The following KIF21A variants were observed in gnomAD, a reference collection of about 807,000 sequenced individuals.
KIF21A encodes the protein kinesin family member 21A.
Under a neutral mutation model 202.9 loss-of-function variants are expected in KIF21A, and 114 were observed. That is an observed-to-expected ratio of 0.56 (90% confidence interval 0.48 to 0.66). The LOEUF is 0.66. Ranked by LOEUF, KIF21A falls within the 30% of genes least tolerant of loss-of-function variation. The probability of loss-of-function intolerance (pLI) is 0.00; values close to 1 mark genes in which losing one functional copy is unlikely to be tolerated. For synonymous variants in KIF21A, 667 were observed against 670.8 expected (o/e 0.99, Z 0.09); for missense variants, 1,677 against 1,994.9 (o/e 0.84, Z 3.04).
intron 1 of KIF21A, among the ~76,000 whole-genome samples, chr12:39,409,298 T>C (rs1026435808): frequency 4.0e-5 from 6 of 151,344 alleles, no homozygotes; most frequent in African/African-American, 9.7e-5. Context: ...GTTGGGAGGA[T>C]TGCTTGAGCC....
At chr12:39,437,006 T>C (rs1938895718) in intron 1 of KIF21A, among the ~76,000 whole-genome samples, 1 of 152,214 alleles carries the variant, frequency 6.6e-6, no homozygotes, top group African/African-American at 2.4e-5. Flanking sequence ...TCAGGCCACA[T>C]GTGATTTTGA....
intron 16 of KIF21A, 106 bp downstream of exon 16, chr12:39,340,059 T>C: frequency 1.2e-6 from 1 of 847,024 alleles, no homozygotes. Flanking sequence ...TAAGATTGGG[T>C]TACCTTTATC....
intron 7 of KIF21A, among the ~76,000 whole-genome samples, chr12:39,360,529 A>C (rs985698485): frequency 2.0e-5 from 3 of 151,922 alleles, no homozygotes; most frequent in African/African-American, 7.3e-5. Context: ...AGCTGTGACT[A>C]CAGGTGCCCA....
At position 39,318,216 on chromosome 12, in the gene KIF21A, G is replaced by T. The variant is rs1203359220; in HGVS notation, c.3780-15C>A. 3 of 1,611,508 alleles carry T rather than the reference G, an allele frequency of 1.9e-6. No individual in the cohort carries two copies. Among genetic ancestry groups the T allele is most frequent in the South Asian group, 2.2e-5 (2 of 90,996 alleles). On this transcript the variant is annotated splice_polypyrimidine_tract_variant and intron_variant, in intron 28 of 37. Coordinates refer to ENST00000361418, the MANE Select transcript of KIF21A (RefSeq NM_001173464.2). The stretch of plus-strand genomic sequence containing the variant: ...CAGAATCTGAGCTACAAGAAAAAAA[G>T]AACATTAAGTAGGTGGCTTTAATTG...
At chr12:39,425,161 C>T (rs1954644423) in intron 1 of KIF21A, among the ~76,000 whole-genome samples, 1 of 152,128 alleles carries the variant, frequency 6.6e-6, no homozygotes, top group Admixed American at 6.5e-5. Context: ...ACTCAAATGA[C>T]TCCTCCCAAC....
At chr12:39,428,505 CAG>C (rs1307867907) in intron 1 of KIF21A, among the ~76,000 whole-genome samples, 2 of 152,082 alleles carry the variant, frequency 1.3e-5, no homozygotes, top group African/African-American at 4.8e-5. Context: ...TTAGAAAAAA[CAG>C]AGTCACAAAT....
intron 17 of KIF21A, among the ~76,000 whole-genome samples, chr12:39,336,526 G>C (rs1351256453): frequency 6.6e-6 from 1 of 152,030 alleles, no homozygotes; most frequent in Non-Finnish European, 1.5e-5. Flanking sequence ...TACTGTCAGG[G>C]ATCTTGGTTG....
rs533122162 is a variant in KIF21A, at chr12:39,366,587, C to A, written c.736-70G>T. 157 of 1,184,486 alleles carry A rather than the reference C, an allele frequency of 1.3e-4. 2 individuals are homozygous for A. In the South Asian group the frequency reaches 1.9e-3, roughly 14 times the overall value. The allele number at this position is 1,184,486 out of a possible 1,614,324, so 73.4% of individuals were successfully genotyped here. A position where few individuals can be genotyped will look rare whatever the true frequency, so the allele number is the denominator to read the frequency against. ...TTAAATATCCTCCTAACCTACCTTG[C>A]GCTTATCCCATGTACACATATAGGC... On this transcript the variant is annotated intron_variant, in intron 5 of 37. Transcript: ENST00000361418.
At chr12:39,396,085 A>G (rs1283322546) in intron 1 of KIF21A, among the ~76,000 whole-genome samples, 4 of 152,130 alleles carry the variant, frequency 2.6e-5, no homozygotes, top group Non-Finnish European at 5.9e-5. Flanking sequence ...GACAAAGTCA[A>G]CATAAGGCCA....
intron 23 of KIF21A, 102 bp downstream of exon 23, chr12:39,330,644 C>T: frequency 2.1e-6 from 2 of 955,804 alleles, no homozygotes; most frequent in Non-Finnish European, 3.4e-6. Context: ...GTAAATATAG[C>T]ATCTATTCAG....
At chr12:39,353,966 T>C (rs1948590772) in intron 10 of KIF21A, among the ~76,000 whole-genome samples, 1 of 152,064 alleles carries the variant, frequency 6.6e-6, no homozygotes, top group African/African-American at 2.4e-5. Context: ...TGTACAAACT[T>C]CTTTGGGAAG....
At chr12:39,412,812 T>C in intron 1 of KIF21A, among the ~76,000 whole-genome samples, 1 of 152,200 alleles carries the variant, frequency 6.6e-6, no homozygotes, top group East Asian at 1.9e-4. Flanking sequence ...ACTTTTGAAC[T>C]ACCTGAGTCC....
chr12:39,399,478 T>C (rs1952005750), intron 1 of KIF21A, among the ~76,000 whole-genome samples: 1 of 152,212 alleles, frequency 6.6e-6, no homozygotes, highest in Non-Finnish European at 1.5e-5. Context: ...GAAATCTACA[T>C]TGATGAGGCA....
intron 1 of KIF21A, among the ~76,000 whole-genome samples, chr12:39,413,649 G>C (rs1260470860): frequency 1.3e-5 from 2 of 152,136 alleles, no homozygotes; most frequent in Non-Finnish European, 2.9e-5. Context: ...CTCAGGGCCA[G>C]GCACAGTGAC....
chr12:39,431,977 A>C (rs1182302855), intron 1 of KIF21A, among the ~76,000 whole-genome samples: 1 of 152,246 alleles, frequency 6.6e-6, no homozygotes, highest in Non-Finnish European at 1.5e-5. Flanking sequence ...TCAAATAACC[A>C]GGAATGAAAT....
intron 33 of KIF21A, among the ~76,000 whole-genome samples, chr12:39,307,993 T>C (rs1943642476): frequency 6.6e-6 from 1 of 152,150 alleles, no homozygotes; most frequent in Non-Finnish European, 1.5e-5. Flanking sequence ...CTTGGTATAC[T>C]AGTAATTCCA....
At chr12:39,342,474 T>C (rs1334539481) in intron 12 of KIF21A, among the ~76,000 whole-genome samples, 2 of 152,224 alleles carry the variant, frequency 1.3e-5, no homozygotes, top group Admixed American at 1.3e-4. Context: ...CAAACATTTT[T>C]GTTTTCTCAT....
At chr12:39,339,857 T>C (rs1355730086) in intron 16 of KIF21A, among the ~76,000 whole-genome samples, 1 of 152,214 alleles carries the variant, frequency 6.6e-6, no homozygotes, top group Non-Finnish European at 1.5e-5. Flanking sequence ...TGTTATTATG[T>C]ATGCTTTCTT....
At chr12:39,296,201 T>C (rs1942345479) in intron 37 of KIF21A, among the ~76,000 whole-genome samples, 1 of 151,468 alleles carries the variant, frequency 6.6e-6, no homozygotes, top group African/African-American at 2.4e-5. Flanking sequence ...CCTGAGTAGC[T>C]GGGACTACAG....
Sources: allele counts gnomAD v4.1 joint callset (sites outside exome capture counted in the v4.1 genomes callset), GRCh38; gene constraint gnomAD v4.1.1; transcripts MANE v1.5; gene names NCBI Gene and HGNC (gene_info 2026-07-23, HGNC 2026-07-21).